Variants in TSEN2 observed in about 807,000 individuals in gnomAD.
The protein encoded by TSEN2 is tRNA splicing endonuclease subunit 2.
In TSEN2, 54 loss-of-function variants were observed where a neutral mutation model predicts 59.2. The ratio of observed to expected loss-of-function variants is 0.91; its 90% confidence interval spans 0.73 to 1.14. The LOEUF is 1.14. Among genes scored for constraint, TSEN2 ranks in the 50% most tolerant of loss-of-function variants. The pLI is 0.00. For missense variants in TSEN2, 636 were observed against 576.2 expected (o/e 1.10, Z -1.06); for synonymous variants, 195 against 198.2 (o/e 0.98, Z 0.14).
chr3:12,523,086 C>G (rs962266524), intron 8 of TSEN2, among the ~76,000 whole-genome samples: 1 of 152,118 alleles, frequency 6.6e-6, no homozygotes, highest in Non-Finnish European at 1.5e-5. Context: ...GTTAAGTACA[C>G]AGATTAGGGC....
At chr3:12,506,796 G>T in intron 6 of TSEN2, 1 of 985,338 alleles carries the variant, frequency 1.0e-6, no homozygotes, top group Non-Finnish European at 1.2e-6. Flanking sequence ...GGCTTTCTTT[G>T]ATAGTTCCTG....
chr3:12,519,180 A>T lies in TSEN2; in HGVS notation c.1082A>T (p.Lys361Met). ...GGCTGGGTGCCCAAAGTGGGACTCA[A>T]GTACGGGACAGATTTACGTAAGTAA... Reference protein sequence around the residue: ...SKGWVPKVGLKYGTDLLLYRK... With the variant: ...SKGWVPKVGLMYGTDLLLYRK... The change falls in exon 8 of 12, where the codon AAG becomes ATG. Residue 361 changes from lysine (K) to methionine (M), a missense_variant. Transcript: ENST00000284995. The T allele has an allele frequency of 6.2e-7, 1 of 1,614,240 alleles. No individual in the cohort carries two copies. The highest frequency in any genetic ancestry group is 8.5e-7 in the Non-Finnish European group (1 of 1,180,052).
At position 12,519,172 on chromosome 3, in the gene TSEN2, G is replaced by A. The variant is rs1030321144; in HGVS notation, c.1074G>A (p.Val358=). The A allele has an allele frequency of 1.2e-6, 2 of 1,614,200 alleles. No homozygotes were observed. The highest frequency in any genetic ancestry group is 1.7e-6 in the Non-Finnish European group (2 of 1,180,034). The change falls in exon 8 of 12, where the codon GTG becomes GTA. Residue 358 remains valine, a synonymous_variant. Coordinates refer to ENST00000284995, the MANE Select transcript of TSEN2 (RefSeq NM_025265.4). ...YFRSKGWVPK[V]GLKYGTDLLL... is the part of the protein sequence containing the mutation. ...GAAGCAAGGGCTGGGTGCCCAAAGT[G>A]GGACTCAAGTACGGGACAGATTTAC...
At chr3:12,516,707 G>T (rs1214305072) in intron 7 of TSEN2, 46 bp downstream of exon 7, 1 of 1,559,206 alleles carries the variant, frequency 6.4e-7, no homozygotes, top group Non-Finnish European at 8.8e-7. Flanking sequence ...TTTCCCTGTT[G>T]TTAAAAGCAG....
chr3:12,511,944 C>T (rs989057507), intron 6 of TSEN2, among the ~76,000 whole-genome samples: 1 of 152,160 alleles, frequency 6.6e-6, no homozygotes, highest in Non-Finnish European at 1.5e-5. Context: ...AAATTTAAAA[C>T]TCTATGTTAA....
chr3:12,510,684 A>G (rs1397438008), intron 6 of TSEN2, among the ~76,000 whole-genome samples: 1 of 151,988 alleles, frequency 6.6e-6, no homozygotes, highest in African/African-American at 2.4e-5. Flanking sequence ...CATAATATGG[A>G]TTCCAAGTAT....
At chr3:12,536,999 C>A (rs1037821103), downstream of TSEN2, among the ~76,000 whole-genome samples, 5 of 120,772 alleles carry the variant, frequency 4.1e-5, no homozygotes, top group African/African-American at 1.5e-4. Context: ...AGCAAAACTC[C>A]GTCTCAAAAA....
intron 5 of TSEN2, among the ~76,000 whole-genome samples, chr3:12,504,665 G>T (rs2054625537): frequency 6.6e-6 from 1 of 152,194 alleles, no homozygotes; most frequent in African/African-American, 2.4e-5. Flanking sequence ...GGGGAAAAAG[G>T]AAATAAATGA....
rs1036604414 is a variant in TSEN2, at chr3:12,491,279, A to G, written c.190-857A>G. ...AGTGCCGGGATTACAGGTGTGAGCC[A>G]CCATACCTGGCCTCTTTATTCTGAT... is the stretch of plus-strand genomic sequence containing the variant. On this transcript the variant is annotated intron_variant, in intron 2 of 11. Transcript: ENST00000284995. 3.3e-5 allele frequency among the ~76,000 whole-genome samples: 5 copies of G among 152,326 alleles called. No homozygotes were observed. In the South Asian group the frequency reaches 6.2e-4, roughly 19 times the overall value.
intron 6 of TSEN2, chr3:12,515,060 A>G (rs1002299905): frequency 2.0e-5 from 3 of 152,180 alleles, no homozygotes; most frequent in Admixed American, 2.0e-4. Flanking sequence ...CGTTATTATT[A>G]TGAAGTGGTT....
rs112495973 is a variant in TSEN2, at chr3:12,516,295, G to A, written c.910-316G>A. On this transcript the variant is annotated intron_variant, in intron 6 of 11. Coordinates refer to ENST00000284995, the MANE Select transcript of TSEN2 (RefSeq NM_025265.4). ...CAAAAAATTAGCCGGGCGTGGCGGCGGGCGCCTGTAGTCCCAGCTACTCGG... is the reference window on the plus strand; with the variant it reads ...CAAAAAATTAGCCGGGCGTGGCGGCAGGCGCCTGTAGTCCCAGCTACTCGG... Among the ~76,000 whole-genome samples the A allele has an allele frequency of 0.019, 2,846 of 152,112 alleles. 46 individuals are homozygous for A. The highest frequency in any genetic ancestry group is 0.059 in the South Asian group (285 of 4,816).
chr3:12,503,660 A>T lies in TSEN2; in HGVS notation c.707A>T (p.His236Leu), dbSNP rs765600764. ...CTCATCCTCCAGCGTGGCCTTCATC[A>T]TGAAGACGGCAGCCAGCACATCGGC... ...DALILQRGLH[H>L]EDGSQHIGLL... is the part of the protein sequence containing the mutation. Residue 236 changes from histidine (H) to leucine (L), a missense_variant, in exon 5 of 12, where the codon CAT becomes CTT. Transcript: ENST00000284995. 4.4e-6 allele frequency: 7 copies of T among 1,606,066 alleles called. No homozygotes were observed. Among genetic ancestry groups the T allele is most frequent in the Non-Finnish European group, 6.0e-6 (7 of 1,176,020 alleles).
At chr3:12,496,078 A>G (rs1184008612) in intron 3 of TSEN2, among the ~76,000 whole-genome samples, 1 of 152,196 alleles carries the variant, frequency 6.6e-6, no homozygotes, top group Non-Finnish European at 1.5e-5. Flanking sequence ...TCCAAAACCA[A>G]CACTGCAATC....
At chr3:12,521,218 G>A (rs2056610024) in intron 8 of TSEN2, among the ~76,000 whole-genome samples, 1 of 152,162 alleles carries the variant, frequency 6.6e-6, no homozygotes, top group Non-Finnish European at 1.5e-5. Flanking sequence ...AATGACTAAA[G>A]GTCTGCTGTG....
chr3:12,531,903 A>G (rs759046284), intron 11 of TSEN2, among the ~76,000 whole-genome samples: 7 of 152,100 alleles, frequency 4.6e-5, no homozygotes, highest in Non-Finnish European at 8.8e-5. Flanking sequence ...ACTCAGCTGA[A>G]ACTGCTCTCT....
At chr3:12,485,369 T>C (rs1257546209) in intron 1 of TSEN2, among the ~76,000 whole-genome samples, 1 of 151,264 alleles carries the variant, frequency 6.6e-6, no homozygotes, top group Non-Finnish European at 1.5e-5. Flanking sequence ...GACTCTGCTT[T>C]TAATAGAAAG....
At chr3:12,497,752 G>C (rs1400812741) in intron 4 of TSEN2, among the ~76,000 whole-genome samples, 1 of 152,228 alleles carries the variant, frequency 6.6e-6, no homozygotes, top group African/African-American at 2.4e-5. Context: ...GAGCACTACA[G>C]TATCCCAAGA....
intron 4 of TSEN2, among the ~76,000 whole-genome samples, chr3:12,503,013 G>A (rs2054455588): frequency 6.6e-6 from 1 of 152,028 alleles, no homozygotes; most frequent in African/African-American, 2.4e-5. Flanking sequence ...GGAGGTTGCA[G>A]TGAACCAAGA....
chr3:12,492,969 T>TA (rs2053374737), intron 3 of TSEN2, among the ~76,000 whole-genome samples: 1 of 152,364 alleles, frequency 6.6e-6, no homozygotes, highest in East Asian at 1.9e-4. Flanking sequence ...GTAACCTTTA[T>TA]ATGTTTTCTG....
Sources: gnomAD v4.1 joint callset for allele counts (sites outside exome capture counted in the v4.1 genomes callset) on GRCh38, gnomAD v4.1.1 for gene constraint, MANE v1.5 for transcripts, NCBI Gene and HGNC (gene_info 2026-07-23, HGNC 2026-07-21) for gene names.